The following MGAM2 variants were observed in gnomAD, a reference collection of about 807,000 sequenced individuals.
The protein encoded by MGAM2 is maltase-glucoamylase 2 (putative), also known as probable maltase-glucoamylase 2.
Under a neutral mutation model 96.1 loss-of-function variants are expected in MGAM2, and 98 were observed. The ratio of observed to expected loss-of-function variants is 1.02; its 90% CI spans 0.87 to 1.21. The LOEUF is 1.21. MGAM2 is among the 50% of genes most tolerant of loss of function. MGAM2 has a pLI of 0.00. For missense variants in MGAM2, 2,055 were observed against 1,182.4 expected, an observed-to-expected ratio of 1.74 and a Z score of -10.82; for synonymous variants, 749 against 414.8, an observed-to-expected ratio of 1.81 and a Z score of -9.79.
At chr7:142,170,368 A>G in intron 27 of MGAM2, 139 bp downstream of exon 27, 1 of 489,220 alleles carries the variant, frequency 2.0e-6, no homozygotes, top group South Asian at 3.7e-5. Context: ...TATTTTTCCC[A>G]TGCTTTAATG....
chr7:142,172,735 C>A lies in MGAM2; in HGVS notation c.3532C>A (p.Pro1178Thr). 1 of 703,486 alleles carries A rather than the reference C, an allele frequency of 1.4e-6. No homozygotes were observed. The highest frequency in any genetic ancestry group is 1.5e-5 in the South Asian group (1 of 67,562). The allele number at this position is 703,486 out of a possible 1,614,324, so 43.6% of individuals were successfully genotyped here. A position where few individuals can be genotyped will look rare whatever the true frequency, so the allele number is the denominator to read the frequency against. ...LDFYIVLGPT[P>T]ELVTQQYTEL... Reference sequence around the variant, plus strand: ...CTTCTACATTGTTTTGGGGCCAACCCCTGAACTTGTAACTCAGCAATACAC... The same window carrying A: ...CTTCTACATTGTTTTGGGGCCAACCACTGAACTTGTAACTCAGCAATACAC... The change falls in exon 30 of 48, where the codon CCT becomes ACT. Residue 1178 changes from proline (P) to threonine (T), a missense_variant. Transcript: ENST00000477922.
chr7:142,199,052 C>T (rs759252907), intron 44 of MGAM2, among the ~76,000 whole-genome samples: 1 of 152,170 alleles, frequency 6.6e-6, no homozygotes, highest in Admixed American at 6.5e-5. Flanking sequence ...TGTTAATGAG[C>T]TCTTTGACTT....
intron 32 of MGAM2, among the ~76,000 whole-genome samples, chr7:142,177,007 C>CT (rs539888741): frequency 6.6e-6 from 1 of 152,034 alleles, no homozygotes; most frequent in East Asian, 1.9e-4. Flanking sequence ...CAGGGTTAAA[C>CT]TTTTTTTAAC....
intron 10 of MGAM2, among the ~76,000 whole-genome samples, chr7:142,139,785 G>A (rs1390068387): frequency 6.6e-6 from 1 of 151,956 alleles, no homozygotes; most frequent in Admixed American, 6.6e-5. Flanking sequence ...AGGGCAGGCA[G>A]GGGGATCAAT....
chr7:142,139,399 C>T (rs917456114), intron 10 of MGAM2, among the ~76,000 whole-genome samples: 1 of 152,066 alleles, frequency 6.6e-6, no homozygotes, highest in Non-Finnish European at 1.5e-5. Flanking sequence ...GTGGCTCATG[C>T]CTGTAATCTC....
At position 142,203,354 on chromosome 7, in the gene MGAM2, C is replaced by T. The variant is rs1797296956; in HGVS notation, c.5137+3386C>T. 2.6e-5 allele frequency among the ~76,000 whole-genome samples: 4 copies of T among 151,922 alleles called. No homozygotes were observed. In the South Asian group the frequency reaches 8.3e-4, roughly 32 times the overall value. On this transcript the variant is annotated intron_variant, in intron 45 of 47. Transcript: ENST00000477922. Reference sequence around the variant, plus strand: ...CTTAGCCAAAAATATTTTGCCAAGACCAACGTTGAGAAATCAGACAAGACA... The same window carrying T: ...CTTAGCCAAAAATATTTTGCCAAGATCAACGTTGAGAAATCAGACAAGACA...
intron 35 of MGAM2, among the ~76,000 whole-genome samples, chr7:142,187,456 C>T (rs2129096495): frequency 6.6e-6 from 1 of 152,350 alleles, no homozygotes; most frequent in East Asian, 1.9e-4. Flanking sequence ...CATTACCTCA[C>T]TATTTTTGCC....
rs1189069095 is a variant in MGAM2, at chr7:142,149,801, A to C, written c.1634+2228A>C. Reference sequence around the variant, plus strand: ...CATGATTCACCCGCCTTGGCCTCCCAAAGTGCTGGGATTACAGGCGTGAGC... The same window carrying C: ...CATGATTCACCCGCCTTGGCCTCCCCAAGTGCTGGGATTACAGGCGTGAGC... On this transcript the variant is annotated intron_variant, in intron 15 of 47. Transcript: ENST00000477922. 5.3e-5 allele frequency among the ~76,000 whole-genome samples: 8 copies of C among 152,226 alleles called. No homozygotes were observed. In the East Asian group the frequency reaches 1.6e-3, roughly 30 times the overall value.
chr7:142,168,147 A>T (rs1190889971), intron 26 of MGAM2, among the ~76,000 whole-genome samples: 3 of 152,202 alleles, frequency 2.0e-5, no homozygotes, highest in African/African-American at 7.2e-5. Flanking sequence ...GTAGTTCTCA[A>T]ACTGCAGCAT....
At chr7:142,167,232 T>C (rs1410770089) in intron 25 of MGAM2, 36 bp from the exon 26 acceptor site, 1 of 653,252 alleles carries the variant, frequency 1.5e-6, no homozygotes, top group East Asian at 2.7e-5. Flanking sequence ...TAGTGTTGTA[T>C]CAGAGGCTGA....
At chr7:142,120,130 A>G (rs2129074196) in intron 2 of MGAM2, among the ~76,000 whole-genome samples, 172 bp from the exon 3 acceptor site, 1 of 152,348 alleles carries the variant, frequency 6.6e-6, no homozygotes, top group South Asian at 2.1e-4. Context: ...ATCATGTGCA[A>G]ATATAGATAC....
At chr7:142,153,796 G>C (rs1229620114) in intron 15 of MGAM2, among the ~76,000 whole-genome samples, 1 of 152,182 alleles carries the variant, frequency 6.6e-6, no homozygotes, top group Non-Finnish European at 1.5e-5. Flanking sequence ...TTGCTATGGG[G>C]GCTAGAATAT....
chr7:142,169,976 C>T, intron 26 of MGAM2, 99 bp from the exon 27 acceptor site: 2 of 604,466 alleles, frequency 3.3e-6, no homozygotes, highest in South Asian at 2.0e-5. Context: ...TGATATGGTG[C>T]AAACTGGTCA....
At position 142,167,293 on chromosome 7, in the gene MGAM2, C is replaced by A; in HGVS notation, c.2834C>A (p.Thr945Asn). The change falls in exon 26 of 48, where the codon ACC becomes AAC. Residue 945 changes from threonine to asparagine, a missense_variant. Coordinates refer to ENST00000477922, the MANE Select transcript of MGAM2 (RefSeq NM_001293626.2). ...GACACATCTACTCCTGGAGTGCCCA[C>A]CTGTTACTATGACACCATCCCTAAT... ...WEDTSTPGVP[T>N]CYYDTIPNYV... 1 of 700,582 alleles carries A rather than the reference C, an allele frequency of 1.4e-6. No individual in the cohort carries two copies. 43.4% of individuals were successfully genotyped at this position (700,582 alleles called of 1,614,324 possible). A position where few individuals can be genotyped will look rare whatever the true frequency, so the allele number is the denominator to read the frequency against.
At chr7:142,187,597 C>G (rs919927234) in intron 35 of MGAM2, among the ~76,000 whole-genome samples, 153 bp from the exon 36 acceptor site, 4 of 152,128 alleles carry the variant, frequency 2.6e-5, no homozygotes, top group African/African-American at 9.7e-5. Context: ...TTTTTAGAGT[C>G]CATTTGGGTC....
intron 7 of MGAM2, among the ~76,000 whole-genome samples, chr7:142,134,947 CTTTGACTT>C (rs1423784241): frequency 6.6e-6 from 1 of 152,048 alleles, no homozygotes; most frequent in Admixed American, 6.6e-5. Flanking sequence ...AATTTCTAAA[CTTTGACTT>C]TTGGTTTTTG....
At chr7:142,213,327 A>G (rs1214812943) in intron 46 of MGAM2, among the ~76,000 whole-genome samples, 5 of 152,178 alleles carry the variant, frequency 3.3e-5, no homozygotes. Context: ...AGATCAGAGC[A>G]GAACTGAAGG....
chr7:142,220,850 C>T lies in MGAM2; in HGVS notation c.6339C>T (p.Thr2113=). The T allele has an allele frequency of 2.8e-6, 2 of 702,062 alleles. No individual in the cohort carries two copies. Among genetic ancestry groups the T allele is most frequent in the Non-Finnish European group, 5.2e-6 (2 of 384,760 alleles). The allele number at this position is 702,062 out of a possible 1,614,324, so 43.5% of individuals were successfully genotyped here. A position where few individuals can be genotyped will look rare whatever the true frequency, so the allele number is the denominator to read the frequency against. Residue 2113 remains threonine (T), a synonymous_variant, in exon 48 of 48, where the codon ACC becomes ACT. Coordinates refer to ENST00000477922, the MANE Select transcript of MGAM2 (RefSeq NM_001293626.2). ...TPSLTSTADA[T]ISTTVLIATT... ...CTCTGACAAGTACTGCTGATGCCAC[C>T]ATTAGTACTACTGTACTTATTGCCA...
chr7:142,153,302 C>G (rs1387809941), intron 15 of MGAM2, among the ~76,000 whole-genome samples: 1 of 152,100 alleles, frequency 6.6e-6, no homozygotes, highest in East Asian at 1.9e-4. Context: ...GCCCGGCCTG[C>G]TTTCATTTCT....
Sources: gnomAD v4.1 joint callset for allele counts (sites outside exome capture counted in the v4.1 genomes callset) on GRCh38, gnomAD v4.1.1 for gene constraint, MANE v1.5 for transcripts, NCBI Gene and HGNC (gene_info 2026-07-23, HGNC 2026-07-21) for gene names.